Variants in MSI2 observed in about 807,000 individuals in gnomAD.
MSI2 encodes the protein RNA-binding protein Musashi homolog 2.
MSI2 carries 17 observed loss-of-function variants against 45.6 expected under a neutral mutation model. That is an observed-to-expected ratio of 0.37 (90% CI 0.26 to 0.56). The LOEUF is 0.56. Among genes scored for constraint, MSI2 ranks in the 20% least tolerant of loss-of-function variants. The pLI, the probability that MSI2 is intolerant of heterozygous loss-of-function variation, is 0.77. For missense variants in MSI2, 293 were observed against 444.2 expected (o/e 0.66, Z 3.06); for synonymous variants, 156 against 158.2 (o/e 0.99, Z 0.11).
At chr17:57,267,476 C>G (rs1488538548) in intron 5 of MSI2, 1 of 152,056 alleles carries the variant, frequency 6.6e-6, no homozygotes, top group Non-Finnish European at 1.5e-5. Flanking sequence ...AGGTGAGCCT[C>G]CTCTGCTGCC....
At chr17:57,584,677 G>A (rs1285748217) in intron 7 of MSI2, among the ~76,000 whole-genome samples, 2 of 152,166 alleles carry the variant, frequency 1.3e-5, no homozygotes, top group Non-Finnish European at 2.9e-5. Flanking sequence ...GGAGAAAGGC[G>A]AGTGAGCATC....
intron 6 of MSI2, among the ~76,000 whole-genome samples, chr17:57,493,300 G>A (rs1425376701): frequency 6.6e-6 from 1 of 152,168 alleles, no homozygotes; most frequent in African/African-American, 2.4e-5. Context: ...AGCGATTGCT[G>A]TTACACTGGG....
chr17:57,530,531 G>A (rs1210766267), intron 7 of MSI2, among the ~76,000 whole-genome samples: 1 of 152,186 alleles, frequency 6.6e-6, no homozygotes, highest in Non-Finnish European at 1.5e-5. Flanking sequence ...TTAGTGTTCT[G>A]TTCTCCGGAA....
intron 5 of MSI2, chr17:57,264,717 T>C (rs1272010799): frequency 6.6e-6 from 1 of 152,240 alleles, no homozygotes; most frequent in Non-Finnish European, 1.5e-5. Context: ...CACAGATGGA[T>C]GTCCAGGAGC....
At chr17:57,696,773 G>T in the MSI2 span, among the ~76,000 whole-genome samples, 5 of 152,060 alleles carry the variant, frequency 3.3e-5, no homozygotes, top group African/African-American at 1.2e-4. Context: ...AAAGAATTAG[G>T]CATTTGGTCA....
chr17:57,574,827 TC>T (rs545014876), intron 7 of MSI2, among the ~76,000 whole-genome samples: 1 of 140,554 alleles, frequency 7.1e-6, no homozygotes, highest in East Asian at 2.2e-4. Context: ...TCTCTCTCTC[TC>T]TTTTTTTTTT....
intron 5 of MSI2, among the ~76,000 whole-genome samples, chr17:57,323,419 G>A (rs1567756981): frequency 2.6e-5 from 4 of 152,238 alleles, no homozygotes; most frequent in South Asian, 4.1e-4. Context: ...TGAGCTCAGG[G>A]AATCTCCAGG....
chr17:57,550,376 A>G (rs2087276220), intron 7 of MSI2, among the ~76,000 whole-genome samples: 1 of 152,150 alleles, frequency 6.6e-6, no homozygotes, highest in Non-Finnish European at 1.5e-5. Flanking sequence ...CTCCTTTGTT[A>G]ACAAAAGTGC....
intron 11 of MSI2, among the ~76,000 whole-genome samples, chr17:57,660,696 C>G (rs1372237704): frequency 6.6e-6 from 1 of 152,154 alleles, no homozygotes; most frequent in Non-Finnish European, 1.5e-5. Flanking sequence ...AATATTTCCA[C>G]TTTTAAAGGA....
chr17:57,354,407 A>G (rs558517775), intron 5 of MSI2, among the ~76,000 whole-genome samples: 81 of 152,324 alleles, frequency 5.3e-4, no homozygotes, highest in African/African-American at 1.8e-3. Flanking sequence ...GAGGCCAGGC[A>G]ATAGAAATAC....
At chr17:57,534,376 T>C (rs983041333) in intron 7 of MSI2, among the ~76,000 whole-genome samples, 3 of 152,220 alleles carry the variant, frequency 2.0e-5, no homozygotes, top group Non-Finnish European at 4.4e-5. Flanking sequence ...GAATATTGCA[T>C]AGCAGATTCC....
chr17:57,597,715 A>C (rs1156662601), intron 8 of MSI2, among the ~76,000 whole-genome samples: 1 of 152,352 alleles, frequency 6.6e-6, no homozygotes, highest in East Asian at 1.9e-4. Flanking sequence ...TTGACCTATG[A>C]GTCGTAACTT....
intron 5 of MSI2, among the ~76,000 whole-genome samples, chr17:57,328,663 C>T (rs1914020486): frequency 6.6e-6 from 1 of 152,048 alleles, no homozygotes; most frequent in Non-Finnish European, 1.5e-5. Context: ...TTTAACTAAT[C>T]CTCTGTGGTT....
chr17:57,589,384 A>G (rs574117852), intron 7 of MSI2, among the ~76,000 whole-genome samples: 99 of 152,290 alleles, frequency 6.5e-4, no homozygotes, highest in African/African-American at 2.3e-3. Context: ...AAGGCATGTG[A>G]TGCCACCTCC....
chr17:57,279,811 G>T (rs868051277), intron 5 of MSI2: 1 of 151,974 alleles, frequency 6.6e-6, no homozygotes, highest in African/African-American at 2.4e-5. Flanking sequence ...TGCCTGGCTA[G>T]TTTTTTAAAT....
chr17:57,574,333 CATT>C (rs2087957857), intron 7 of MSI2, among the ~76,000 whole-genome samples: 1 of 152,212 alleles, frequency 6.6e-6, no homozygotes, highest in Non-Finnish European at 1.5e-5. Flanking sequence ...TAAGAAAGTC[CATT>C]ATACCTCTGG....
Position 57,596,564 on chromosome 17 carries a change from C to T in MSI2, c.455-304C>T, listed in dbSNP as rs571423782. On this transcript the variant is annotated intron_variant, in intron 7 of 13. Transcript: ENST00000284073. This position sits in a 1 kb window ranked among gnomAD's most constrained non-coding sequence, Gnocchi z 4.6. ...ACCCGCCTGCTGCCGTGCACAGAGC[C>T]GCGGGGCTCTGACCCTTGTAAATAA... is the stretch of plus-strand genomic sequence containing the variant. Among the ~76,000 whole-genome samples, 11 of 152,332 alleles carry T rather than the reference C, an allele frequency of 7.2e-5. No individual in the cohort carries two copies. The highest frequency in any genetic ancestry group is 2.6e-4 in the African/African-American group (11 of 41,578).
At chr17:57,473,859 A>G (rs1056329087) in intron 6 of MSI2, among the ~76,000 whole-genome samples, 1 of 152,204 alleles carries the variant, frequency 6.6e-6, no homozygotes, top group Non-Finnish European at 1.5e-5. Context: ...GGGAACTCAC[A>G]TTCCTGAGAT....
chr17:57,337,840 C>T (rs1425587357), intron 5 of MSI2, among the ~76,000 whole-genome samples: 5 of 152,256 alleles, frequency 3.3e-5, no homozygotes, highest in Admixed American at 3.3e-4. Flanking sequence ...GGTATATTAT[C>T]ATTTTTGTGT....
Sources: gnomAD v4.1 joint callset for allele counts (sites outside exome capture counted in the v4.1 genomes callset) on GRCh38, gnomAD v4.1.1 for gene constraint, Gnocchi (gnomAD v3.1) non-coding constraint, MANE v1.5 for transcripts, NCBI Gene and HGNC (gene_info 2026-07-23, HGNC 2026-07-21) for gene names.